The following FRAS1 variants were observed in gnomAD, a reference collection of about 807,000 sequenced individuals.
FRAS1 encodes the protein extracellular matrix organizing protein FRAS1.
A neutral mutation model predicts 435.2 loss-of-function variants in FRAS1; 290 were observed. That is an observed-to-expected ratio of 0.67 (90% CI 0.61 to 0.73). The LOEUF (loss-of-function observed/expected upper bound fraction) is 0.73, where lower values mean the gene tolerates loss of function less well. FRAS1 is among the 30% of genes least tolerant of loss of function. The pLI is 0.00. For missense variants in FRAS1, 4,860 were observed against 5,001.5 expected (o/e 0.97, Z 0.85); for synonymous variants, 1,800 against 1,851.0 (o/e 0.97, Z 0.71).
At chr4:78,493,276 C>G (rs1044409666) in intron 59 of FRAS1, among the ~76,000 whole-genome samples, 1 of 152,162 alleles carries the variant, frequency 6.6e-6, no homozygotes, top group African/African-American at 2.4e-5. Context: ...ACCAGAAATA[C>G]GATTTGGCCT....
intron 2 of FRAS1, among the ~76,000 whole-genome samples, chr4:78,088,907 G>T (rs1348933853): frequency 1.3e-5 from 2 of 152,172 alleles, no homozygotes; most frequent in Non-Finnish European, 2.9e-5. Flanking sequence ...AATACCATTT[G>T]ACCCAGCAAT....
chr4:78,238,050 T>G (rs1193608883), intron 3 of FRAS1, among the ~76,000 whole-genome samples: 1 of 152,146 alleles, frequency 6.6e-6, no homozygotes, highest in Non-Finnish European at 1.5e-5. Context: ...GACATTAACT[T>G]CAACATGCAT....
intron 39 of FRAS1, 40 bp from the exon 40 acceptor site, chr4:78,438,862 A>G (rs767373403): frequency 1.1e-5 from 17 of 1,570,484 alleles, no homozygotes; most frequent in Non-Finnish European, 1.5e-5. Context: ...CTGGCTTGTC[A>G]TCGTGGCTTA....
chr4:78,456,109 TA>T (rs1167900871), intron 47 of FRAS1, among the ~76,000 whole-genome samples: 6 of 151,292 alleles, frequency 4.0e-5, no homozygotes, highest in Non-Finnish European at 5.9e-5. Context: ...ATTTTGGTTT[TA>T]GGAGCATTAC....
intron 2 of FRAS1, among the ~76,000 whole-genome samples, chr4:78,195,267 C>T (rs531971544): frequency 2.4e-4 from 36 of 152,196 alleles, no homozygotes; most frequent in Non-Finnish European, 3.8e-4. Context: ...TGTCCAGCTG[C>T]GTGCTGGGAG....
At chr4:78,435,810 T>C (rs1302213861) in intron 38 of FRAS1, among the ~76,000 whole-genome samples, 2 of 151,820 alleles carry the variant, frequency 1.3e-5, no homozygotes, top group Non-Finnish European at 2.9e-5. Context: ...TAAAACATGG[T>C]TCTGCACAAA....
At position 78,470,056 on chromosome 4, in the gene FRAS1, C is replaced by T. The variant is rs868145442; in HGVS notation, c.7336C>T (p.Leu2446=). The stretch of plus-strand genomic sequence containing the variant: ...TGGCACGCCTAGAATTGTCACCAAC[C>T]TGGGACTCCAGTGGCTGGAATACAT... ...DDGTPRIVTN[L]GLQWLEYMDG... is the part of the protein sequence containing the mutation. The change falls in exon 51 of 74, where the codon CTG becomes TTG. Residue 2446 remains leucine, a synonymous_variant. Transcript: ENST00000512123. 1.2e-6 allele frequency: 2 copies of T among 1,613,508 alleles called. No homozygotes were observed. The highest frequency in any genetic ancestry group is 1.7e-5 in the Admixed American group (1 of 59,998).
intron 4 of FRAS1, among the ~76,000 whole-genome samples, chr4:78,248,608 C>T (rs541222379): frequency 6.6e-6 from 1 of 152,296 alleles, no homozygotes; most frequent in African/African-American, 2.4e-5. Flanking sequence ...TTGAGTTCTT[C>T]AGCCTTGTTC....
chr4:78,174,719 A>G (rs961468627), intron 2 of FRAS1, among the ~76,000 whole-genome samples: 2 of 152,200 alleles, frequency 1.3e-5, no homozygotes, highest in South Asian at 4.1e-4. Flanking sequence ...AGGATTATAA[A>G]TCTTTAACCA....
chr4:78,113,697 T>C (rs1413855092), intron 2 of FRAS1, among the ~76,000 whole-genome samples: 8 of 152,200 alleles, frequency 5.3e-5, no homozygotes, highest in Admixed American at 1.3e-4. Flanking sequence ...CTTGTAAATT[T>C]GTTTGAGTTC....
At chr4:78,193,950 C>T (rs1325866322) in intron 2 of FRAS1, among the ~76,000 whole-genome samples, 1 of 152,112 alleles carries the variant, frequency 6.6e-6, no homozygotes, top group East Asian at 1.9e-4. Context: ...TTCAGGAGCT[C>T]CTTTAGGGCA....
intron 2 of FRAS1, among the ~76,000 whole-genome samples, chr4:78,153,636 A>T (rs1386724881): frequency 1.3e-5 from 2 of 152,146 alleles, no homozygotes; most frequent in Admixed American, 1.3e-4. Context: ...CTCATCTGAT[A>T]TGAGGAGGTG....
chr4:78,089,395 A>C (rs1741384522), intron 2 of FRAS1, among the ~76,000 whole-genome samples: 1 of 152,108 alleles, frequency 6.6e-6, no homozygotes, highest in Non-Finnish European at 1.5e-5. Flanking sequence ...AAACCTGCAC[A>C]TTGTGCACAT....
chr4:78,447,993 T>G, intron 43 of FRAS1, 60 bp from the exon 44 acceptor site: 1 of 1,411,330 alleles, frequency 7.1e-7, no homozygotes, highest in Non-Finnish European at 9.5e-7. Context: ...GACAATGTTT[T>G]GAATCATATA....
rs199532862 is a variant in FRAS1, at chr4:78,415,273, C to CT, written c.4425+2191dup. 2.0e-5 allele frequency among the ~76,000 whole-genome samples: 3 copies of CT among 152,148 alleles called. No individual in the cohort carries two copies. In the East Asian group the frequency reaches 5.8e-4, roughly 29 times the overall value. On this transcript the variant is annotated intron_variant, in intron 32 of 73. Transcript: ENST00000512123. ...TACAAATTGAGTTCAGTGCATACTG[C>CT]TTTGGTGATGGGTGCACCAAAATCT...
At chr4:78,074,019 C>T (rs1740502609) in intron 2 of FRAS1, among the ~76,000 whole-genome samples, 2 of 152,148 alleles carry the variant, frequency 1.3e-5, no homozygotes, top group Admixed American at 1.3e-4. Flanking sequence ...GACAAGCTTT[C>T]ACAGGAAGAA....
chr4:78,118,414 A>G lies in FRAS1; in HGVS notation c.108+52398A>G, dbSNP rs1002909980. On this transcript the variant is annotated intron_variant, in intron 2 of 73. Coordinates refer to ENST00000512123, the MANE Select transcript of FRAS1 (RefSeq NM_025074.7). ...GCTGCCTTTTGTTTGGCTTTTGGCTATGACCTGCCCCCAGAGGTGGAGTCT... is the reference window on the plus strand; with the variant it reads ...GCTGCCTTTTGTTTGGCTTTTGGCTGTGACCTGCCCCCAGAGGTGGAGTCT... 2.0e-5 allele frequency among the ~76,000 whole-genome samples: 3 copies of G among 152,162 alleles called. No homozygotes were observed. The East Asian group carries it at 5.8e-4, about 29-fold the overall frequency.
At position 78,429,240 on chromosome 4, in the gene FRAS1, G is replaced by T; in HGVS notation, c.4843+14G>T. ...GCACTTCTGTAGGTAAGAACTGGGA[G>T]CCTGATAGAAACATGGCTTTGGAAA... is the stretch of plus-strand genomic sequence containing the variant. On this transcript the variant is annotated intron_variant, in intron 36 of 73. Transcript: ENST00000512123. The T allele has an allele frequency of 6.2e-7, 1 of 1,600,370 alleles. No homozygotes were observed. Among genetic ancestry groups the T allele is most frequent in the Middle Eastern group, 1.7e-4 (1 of 6,028 alleles).
intron 47 of FRAS1, among the ~76,000 whole-genome samples, chr4:78,457,560 C>T (rs1349325852): frequency 6.6e-6 from 1 of 152,170 alleles, no homozygotes; most frequent in African/African-American, 2.4e-5. Context: ...GCTCTTAAAT[C>T]TTAAAATCAG....
Sources: allele counts gnomAD v4.1 joint callset (sites outside exome capture counted in the v4.1 genomes callset), GRCh38; gene constraint gnomAD v4.1.1; transcripts MANE v1.5; gene names NCBI Gene and HGNC (gene_info 2026-07-23, HGNC 2026-07-21).